PURB: variants seen among roughly 807,000 people sequenced by gnomAD.
The protein encoded by PURB is purine rich element binding protein B, also known as transcriptional regulator protein Pur-beta.
Under a neutral mutation model 21.1 loss-of-function variants are expected in PURB, and 11 were observed. The observed-to-expected ratio is 0.52, with a 90% CI of 0.33 to 0.86. The LOEUF (loss-of-function observed/expected upper bound fraction) is 0.86, where lower values mean the gene tolerates loss of function less well. Ranked by LOEUF, PURB falls within the 40% of genes least tolerant of loss-of-function variation. The probability of loss-of-function intolerance (pLI) is 0.02; values close to 1 mark genes in which losing one functional copy is unlikely to be tolerated. For missense variants in PURB, 357 were observed against 456.5 expected (o/e 0.78, Z 1.99); for synonymous variants, 246 against 210.8 (o/e 1.17, Z -1.45).
Position 44,884,859 on chromosome 7 carries a change from C to T in PURB, c.490G>A (p.Gly164Ser), listed in dbSNP as rs753843432. The change falls in exon 1 of 1, where the codon GGC becomes AGC. Residue 164 changes from glycine (G) to serine (S), a missense_variant. Gly to Ser is a moderately conservative substitution (Grantham distance 56). Coordinates refer to ENST00000395699, the MANE Select transcript of PURB (RefSeq NM_033224.5). ...ATGGTCTGGCCGCTCTGCAAGCCGC[C>T]CGGCCCGGGGCCCGCGCCGAAGCCG... Reference protein sequence around the residue: ...GGGFGAGPGPGGLQSGQTIAL... With the variant: ...GGGFGAGPGPSGLQSGQTIAL... 5 of 1,560,154 alleles carry T rather than the reference C, an allele frequency of 3.2e-6. No individual in the cohort carries two copies. The African/African-American group carries it at 6.8e-5, about 21-fold the overall frequency.
rs1288359921 is a variant in PURB, at chr7:44,879,990, T to A, written c.*4420A>T. ...CTGCTCTCTGAACAGGCCTTATGCA[T>A]GTGACTTTTAGGGTGTACGAAATTA... On this transcript the variant is annotated 3_prime_UTR_variant, in exon 1 of 1. Transcript: ENST00000395699. 6.6e-6 allele frequency: 1 copy of A among 152,268 alleles called. No individual in the cohort carries two copies. The highest frequency in any genetic ancestry group is 1.5e-5 in the Non-Finnish European group (1 of 68,042). 9.4% of individuals were successfully genotyped at this position (152,268 alleles called of 1,614,324 possible).
chr7:44,882,626 T>C lies in PURB; in HGVS notation c.*1784A>G, dbSNP rs776476780. 2.6e-5 allele frequency: 4 copies of C among 152,188 alleles called. No homozygotes were observed. The highest frequency in any genetic ancestry group is 6.5e-5 in the Admixed American group (1 of 15,274). 9.4% of individuals were successfully genotyped at this position (152,188 alleles called of 1,614,324 possible). On this transcript the variant is annotated 3_prime_UTR_variant, in exon 1 of 1. Coordinates refer to ENST00000395699, the MANE Select transcript of PURB (RefSeq NM_033224.5). ...TCCCAATAAATACAAAAAGATTGTA[T>C]AGATTGAATAATACCAAAATAAGAT...
chr7:44,884,431 A>ACCCTCTGAC lies in PURB; in HGVS notation c.909_917dup (p.Ser304_Gly306dup), dbSNP rs764292327. 1 of 1,612,762 alleles carries ACCCTCTGAC rather than the reference A, an allele frequency of 6.2e-7. No homozygotes were observed. Among genetic ancestry groups the ACCCTCTGAC allele is most frequent in the Non-Finnish European group, 8.5e-7 (1 of 1,179,844 alleles). On this transcript the variant is annotated inframe_insertion, in exon 1 of 1. Coordinates refer to ENST00000395699, the MANE Select transcript of PURB (RefSeq NM_033224.5). ...CGTTTCAATCCTCATCCACCTCCTC[A>ACCCTCTGAC]CCCTCTGACTCTTCGCCGCCGCCGC... is the stretch of plus-strand genomic sequence containing the variant.
Position 44,884,404 on chromosome 7 carries a change from C to T in PURB, c.*6G>A. ...GGGTGGAGGCCTGTAGGGGAAGCTG[C>T]CCGTTTCAATCCTCATCCACCTCCT... On this transcript the variant is annotated 3_prime_UTR_variant, in exon 1 of 1. Coordinates refer to ENST00000395699, the MANE Select transcript of PURB (RefSeq NM_033224.5). 1.2e-6 allele frequency: 2 copies of T among 1,611,208 alleles called. No homozygotes were observed. The highest frequency in any genetic ancestry group is 1.1e-5 in the South Asian group (1 of 90,996).
In PURB at chr7:44,881,177, T is replaced by G. The variant is rs1251014814; in HGVS notation, c.*3233A>C. On this transcript the variant is annotated 3_prime_UTR_variant, in exon 1 of 1. Coordinates refer to ENST00000395699, the MANE Select transcript of PURB (RefSeq NM_033224.5). ...CAATTATATGAAAAGAAGTTTTAGT[T>G]TCCTACTTCTCAGGAATATGACTAT... 1 of 152,194 alleles carries G rather than the reference T, an allele frequency of 6.6e-6. No homozygotes were observed. Among genetic ancestry groups the G allele is most frequent in the Non-Finnish European group, 1.5e-5 (1 of 68,032 alleles). The allele number at this position is 152,194 out of a possible 1,614,324, so 9.4% of individuals were successfully genotyped here.
chr7:44,881,524 T>C lies in PURB; in HGVS notation c.*2886A>G, dbSNP rs1337656410. 2 of 152,694 alleles carry C rather than the reference T, an allele frequency of 1.3e-5. No homozygotes were observed. The highest frequency in any genetic ancestry group is 6.5e-5 in the Admixed American group (1 of 15,294). 9.5% of individuals were successfully genotyped at this position (152,694 alleles called of 1,614,324 possible). A position where few individuals can be genotyped will look rare whatever the true frequency, so the allele number is the denominator to read the frequency against. ...TGCAGGAGAAACAAACCTTAGAGAT[T>C]GGTTAAGACTTAAAAACCCACCACT... On this transcript the variant is annotated 3_prime_UTR_variant, in exon 1 of 1. Coordinates refer to ENST00000395699, the MANE Select transcript of PURB (RefSeq NM_033224.5).
In PURB at chr7:44,885,421, C is replaced by A. The variant is rs1472130205; in HGVS notation, c.-73G>T. The A allele has an allele frequency of 1.8e-5, 9 of 501,890 alleles. No individual in the cohort carries two copies. Among genetic ancestry groups the A allele is most frequent in the Non-Finnish European group, 1.8e-5 (7 of 387,632 alleles). The allele number at this position is 501,890 out of a possible 1,614,324, so 31.1% of individuals were successfully genotyped here. A position where few individuals can be genotyped will look rare whatever the true frequency, so the allele number is the denominator to read the frequency against. Reference sequence around the variant, plus strand: ...CGCCCTCCGGCTCGCGCTCCGGGGCCCCCCAGCCTCGCCCGCCCGGCTCGC... The same window carrying A: ...CGCCCTCCGGCTCGCGCTCCGGGGCACCCCAGCCTCGCCCGCCCGGCTCGC... On this transcript the variant is annotated 5_prime_UTR_variant, in exon 1 of 1. Transcript: ENST00000395699.
rs754461975 is a variant in PURB at position 44,885,309 on chromosome 7, C to A, written c.40G>T (p.Gly14Cys). Reference protein sequence around the residue: ...GDSGSERGGGGGPCGFQPASR... With the variant: ...GDSGSERGGGCGPCGFQPASR... ...GCGGGCTGGAACCCGCACGGCCCAC[C>A]GCCGCCGCCGCGCTCGCTGCCGCTG... Residue 14 changes from glycine to cysteine, a missense_variant, in exon 1 of 1, where the codon GGT (glycine) becomes TGT (cysteine). Coordinates refer to ENST00000395699, the MANE Select transcript of PURB (RefSeq NM_033224.5). 2 of 1,360,390 alleles carry A rather than the reference C, an allele frequency of 1.5e-6. No homozygotes were observed. Among genetic ancestry groups the A allele is most frequent in the Non-Finnish European group, 1.9e-6 (2 of 1,062,210 alleles). 84.3% of individuals were successfully genotyped at this position (1,360,390 alleles called of 1,614,324 possible).
rs1793854399 is a variant in PURB, at chr7:44,879,993, G to C, written c.*4417C>G. 6.6e-6 allele frequency: 1 copy of C among 152,210 alleles called. No individual in the cohort carries two copies. The highest frequency in any genetic ancestry group is 1.5e-5 in the Non-Finnish European group (1 of 68,022). The allele number at this position is 152,210 out of a possible 1,614,324, so 9.4% of individuals were successfully genotyped here. On this transcript the variant is annotated 3_prime_UTR_variant, in exon 1 of 1. Transcript: ENST00000395699. ...CTCTCTGAACAGGCCTTATGCATGT[G>C]ACTTTTAGGGTGTACGAAATTAAAG...
rs1793888091 is a variant in PURB, at chr7:44,882,270, A to T, written c.*2140T>A. 6.5e-6 allele frequency: 1 copy of T among 152,680 alleles called. No individual in the cohort carries two copies. The highest frequency in any genetic ancestry group is 2.4e-5 in the African/African-American group (1 of 41,464). 9.5% of individuals were successfully genotyped at this position (152,680 alleles called of 1,614,324 possible). On this transcript the variant is annotated 3_prime_UTR_variant, in exon 1 of 1. Coordinates refer to ENST00000395699, the MANE Select transcript of PURB (RefSeq NM_033224.5). ...CATTATTGAAAAACAGCTGCCTTGTAGTACAAAATACAGTACAAGTATACG... is the reference window on the plus strand; with the variant it reads ...CATTATTGAAAAACAGCTGCCTTGTTGTACAAAATACAGTACAAGTATACG...
Position 44,879,401 on chromosome 7 carries a change from GTTTTTT to G in PURB, c.*5003_*5008del, listed in dbSNP as rs78309085. 7.1e-6 allele frequency: 1 copy of G among 141,152 alleles called. No homozygotes were observed. The highest frequency in any genetic ancestry group is 1.5e-5 in the Non-Finnish European group (1 of 65,472). 8.7% of individuals were successfully genotyped at this position (141,152 alleles called of 1,614,324 possible). On this transcript the variant is annotated 3_prime_UTR_variant, in exon 1 of 1. Transcript: ENST00000395699. Reference sequence around the variant, plus strand: ...GTCTGTATTTTCTTAAGGTAAATGTGTTTTTTTTTTTTTCTTTTTTCTTTTCTACAA... The same window carrying G: ...GTCTGTATTTTCTTAAGGTAAATGTGTTTTTTTCTTTTTTCTTTTCTACAA...
In PURB at chr7:44,882,510, AT is replaced by A. The variant is rs929712895; in HGVS notation, c.*1899del. The A allele has an allele frequency of 1.3e-5, 2 of 152,494 alleles. No individual in the cohort carries two copies. Among genetic ancestry groups the A allele is most frequent in the Non-Finnish European group, 2.9e-5 (2 of 68,022 alleles). The allele number at this position is 152,494 out of a possible 1,614,324, so 9.4% of individuals were successfully genotyped here. ...TCAACAATATTCTGCATCATAATCTATTTTTTTAAAAAAGCCTAATTTTATG... is the reference window on the plus strand; with the variant it reads ...TCAACAATATTCTGCATCATAATCTATTTTTTAAAAAAGCCTAATTTTATG... On this transcript the variant is annotated 3_prime_UTR_variant, in exon 1 of 1. Coordinates refer to ENST00000395699, the MANE Select transcript of PURB (RefSeq NM_033224.5).
In PURB at chr7:44,877,415, G is replaced by A. The variant is rs369080353; in HGVS notation, c.*6995C>T. 4 of 152,264 alleles carry A rather than the reference G, an allele frequency of 2.6e-5. No homozygotes were observed. The highest frequency in any genetic ancestry group is 2.1e-4 in the South Asian group (1 of 4,830). The allele number at this position is 152,264 out of a possible 1,614,324, so 9.4% of individuals were successfully genotyped here. ...AATAACTCAGATTTACTTGTCTACC[G>A]AAACGTGCAAAACCATGGACTCTTT... is the stretch of plus-strand genomic sequence containing the variant. On this transcript the variant is annotated 3_prime_UTR_variant, in exon 1 of 1. Transcript: ENST00000395699.
chr7:44,884,692 G>A lies in PURB; in HGVS notation c.657C>T (p.Leu219=), dbSNP rs756122510. The A allele has an allele frequency of 3.0e-5, 49 of 1,613,818 alleles. No individual in the cohort carries two copies. Among genetic ancestry groups the A allele is most frequent in the Middle Eastern group, 1.6e-4 (1 of 6,082 alleles). ...CCACGGTGATGGAGGTGCCCTCCGG[G>A]AGCTCTCCATACAGGCCGCCCCCTG... ...GGPGGGLYGE[L]PEGTSITVDS... The change falls in exon 1 of 1, where the codon CTC becomes CTT. Residue 219 remains leucine (L), a synonymous_variant. Transcript: ENST00000395699.
chr7:44,882,775 A>G lies in PURB; in HGVS notation c.*1635T>C, dbSNP rs929748679. On this transcript the variant is annotated 3_prime_UTR_variant, in exon 1 of 1. Coordinates refer to ENST00000395699, the MANE Select transcript of PURB (RefSeq NM_033224.5). ...CCTCCTGGTTGAGAAGGTGTCACAC[A>G]AAGAATACCTGAAAACTTTGGAAAG... 2.0e-5 allele frequency: 3 copies of G among 152,232 alleles called. No homozygotes were observed. Among genetic ancestry groups the G allele is most frequent in the Non-Finnish European group, 4.4e-5 (3 of 68,046 alleles). The allele number at this position is 152,232 out of a possible 1,614,324, so 9.4% of individuals were successfully genotyped here. A position where few individuals can be genotyped will look rare whatever the true frequency, so the allele number is the denominator to read the frequency against.
In PURB at chr7:44,883,494, G is replaced by C. The variant is rs1188076304; in HGVS notation, c.*916C>G. On this transcript the variant is annotated 3_prime_UTR_variant, in exon 1 of 1. Coordinates refer to ENST00000395699, the MANE Select transcript of PURB (RefSeq NM_033224.5). ...CTTGGTAATGACCTCCATATTTAGA[G>C]ATCAGGGGAACAACTTTAGTGAGCA... 1.3e-5 allele frequency: 2 copies of C among 152,608 alleles called. No individual in the cohort carries two copies. Among genetic ancestry groups the C allele is most frequent in the Non-Finnish European group, 2.9e-5 (2 of 68,054 alleles). The allele number at this position is 152,608 out of a possible 1,614,324, so 9.5% of individuals were successfully genotyped here.
rs2128691028 is a variant in PURB, at chr7:44,877,310, T to C, written c.*7100A>G. ...CCAAAATAATAAATCCCTACTATAA[T>C]TGTTTTAGAACTTCAAAAAAAGAAG... On this transcript the variant is annotated 3_prime_UTR_variant, in exon 1 of 1. Transcript: ENST00000395699. 6.6e-6 allele frequency: 1 copy of C among 152,320 alleles called. No individual in the cohort carries two copies. The highest frequency in any genetic ancestry group is 1.9e-4 in the East Asian group (1 of 5,192). The allele number at this position is 152,320 out of a possible 1,614,324, so 9.4% of individuals were successfully genotyped here.
rs1342975364 is a variant in PURB, at chr7:44,885,408, C to T, written c.-60G>A. 4.2e-5 allele frequency: 28 copies of T among 671,412 alleles called. No homozygotes were observed. The highest frequency in any genetic ancestry group is 4.6e-5 in the Non-Finnish European group (25 of 540,066). 41.6% of individuals were successfully genotyped at this position (671,412 alleles called of 1,614,324 possible). A position where few individuals can be genotyped will look rare whatever the true frequency, so the allele number is the denominator to read the frequency against. On this transcript the variant is annotated 5_prime_UTR_variant, in exon 1 of 1. Transcript: ENST00000395699. ...GCGCTCGCGCCCCCGCCCTCCGGCT[C>T]GCGCTCCGGGGCCCCCCAGCCTCGC...
rs1330234798 is a variant in PURB at position 44,881,784 on chromosome 7, C to G, written c.*2626G>C. ...TTCTTGGCATATACTCTATATGCCTCAGACCACTTCCACATTCTTTCTATT... is the reference window on the plus strand; with the variant it reads ...TTCTTGGCATATACTCTATATGCCTGAGACCACTTCCACATTCTTTCTATT... On this transcript the variant is annotated 3_prime_UTR_variant, in exon 1 of 1. Transcript: ENST00000395699. 6.5e-6 allele frequency: 1 copy of G among 154,730 alleles called. No individual in the cohort carries two copies. Among genetic ancestry groups the G allele is most frequent in the Admixed American group, 6.5e-5 (1 of 15,278 alleles). 9.6% of individuals were successfully genotyped at this position (154,730 alleles called of 1,614,324 possible). A position where few individuals can be genotyped will look rare whatever the true frequency, so the allele number is the denominator to read the frequency against.
Sources: gnomAD v4.1 joint callset for allele counts on GRCh38, gnomAD v4.1.1 for gene constraint, MANE v1.5 for transcripts, NCBI Gene and HGNC (gene_info 2026-07-23, HGNC 2026-07-21) for gene names.